The following VCPIP1 variants were observed in gnomAD, a reference collection of about 807,000 sequenced individuals.
VCPIP1 encodes the protein deubiquitinating protein VCPIP1.
VCPIP1 carries 8 observed loss-of-function variants against 85.0 expected under a neutral mutation model. The observed-to-expected ratio is 0.09, with a 90% CI of 0.06 to 0.17. VCPIP1 has a LOEUF of 0.17. Ranked by LOEUF, VCPIP1 falls within the 10% of genes least tolerant of loss-of-function variation. The pLI, the probability that VCPIP1 is intolerant of heterozygous loss-of-function variation, is 1.00. For synonymous variants in VCPIP1, 543 were observed against 544.5 expected (o/e 1.00, Z 0.04); for missense variants, 1,070 against 1,486.3 (o/e 0.72, Z 4.61).
chr8:66,662,014 G>A (rs753686613), intron 1 of VCPIP1, among the ~76,000 whole-genome samples: 3 of 151,348 alleles, frequency 2.0e-5, no homozygotes, highest in Admixed American at 6.6e-5. Flanking sequence ...TGATCTGCCC[G>A]CCTCAGCCTC....
rs747515697 is a variant in VCPIP1 at position 66,665,876 on chromosome 8, T to A, written c.1083A>T (p.Ile361=). 1 of 1,614,196 alleles carries A rather than the reference T, an allele frequency of 6.2e-7. No individual in the cohort carries two copies. The highest frequency in any genetic ancestry group is 1.1e-5 in the South Asian group (1 of 91,084). ...GRNHYIPLVG[I]KGAALPKLPM... ...GCAGTTTGGGCAAAGCAGCCCCTTT[T>A]ATGCCTACCAAGGGGATATAATGGT... The change falls in exon 1 of 3, where the codon ATA becomes ATT. Residue 361 remains isoleucine (I), a synonymous_variant. Transcript: ENST00000310421. The surrounding 1 kb of genome is among the most constrained non-coding windows in gnomAD (Gnocchi z 4.3).
At chr8:66,650,246 A>G (rs1465628658) in intron 2 of VCPIP1, among the ~76,000 whole-genome samples, 1 of 152,220 alleles carries the variant, frequency 6.6e-6, no homozygotes, top group Non-Finnish European at 1.5e-5. Flanking sequence ...GAGGCTGGGT[A>G]GTAGGTAAAT....
chr8:66,643,240 G>A (rs974807607), intron 2 of VCPIP1, among the ~76,000 whole-genome samples: 14 of 151,506 alleles, frequency 9.2e-5, no homozygotes, highest in South Asian at 2.1e-4. Context: ...GGAGAATCAC[G>A]TCAACTCGGG....
intron 1 of VCPIP1, among the ~76,000 whole-genome samples, chr8:66,657,083 C>T (rs2976258): frequency 6.6e-6 from 1 of 150,910 alleles, no homozygotes; most frequent in Non-Finnish European, 1.5e-5. Flanking sequence ...TTTTGTATTT[C>T]TAGTAGAGAT....
chr8:66,641,182 A>C (rs1193432042), intron 2 of VCPIP1, among the ~76,000 whole-genome samples: 3 of 152,154 alleles, frequency 2.0e-5, no homozygotes, highest in African/African-American at 7.2e-5. Flanking sequence ...CTAAGTAAGC[A>C]AGCCAACCCC....
intron 2 of VCPIP1, among the ~76,000 whole-genome samples, chr8:66,638,934 CTT>C (rs1282322317): frequency 1.6e-4 from 22 of 140,232 alleles, no homozygotes; most frequent in African/African-American, 4.6e-4. Flanking sequence ...TGCAAGAAAA[CTT>C]TCTCTCTCTC....
intron 1 of VCPIP1, among the ~76,000 whole-genome samples, chr8:66,659,729 G>A (rs912910086): frequency 1.3e-5 from 2 of 151,992 alleles, no homozygotes; most frequent in Non-Finnish European, 2.9e-5. Context: ...TCAGGAGTTC[G>A]AGACCAGCAT....
intron 1 of VCPIP1, among the ~76,000 whole-genome samples, chr8:66,654,108 G>C (rs1811077566): frequency 6.6e-6 from 1 of 152,230 alleles, no homozygotes; most frequent in African/African-American, 2.4e-5. Flanking sequence ...CACACAGCTA[G>C]TAAGTGGGAG....
intron 1 of VCPIP1, among the ~76,000 whole-genome samples, chr8:66,658,228 G>A (rs1811118696): frequency 6.6e-6 from 1 of 151,660 alleles, no homozygotes; most frequent in Admixed American, 6.6e-5. Flanking sequence ...CAGCTACTCG[G>A]GAGGCTGAGG....
At position 66,634,432 on chromosome 8, in the gene VCPIP1, T is replaced by A; in HGVS notation, c.*69A>T. On this transcript the variant is annotated 3_prime_UTR_variant, in exon 3 of 3. Coordinates refer to ENST00000310421, the MANE Select transcript of VCPIP1 (RefSeq NM_025054.5). ...CAAGATTTTTAATGACTAATCAAGT[T>A]ACGTGGCCCAGCCAACAAATATTAC... The A allele has an allele frequency of 6.7e-7, 1 of 1,500,482 alleles. No individual in the cohort carries two copies. Among genetic ancestry groups the A allele is most frequent in the South Asian group, 1.4e-5 (1 of 73,790 alleles). 92.9% of individuals were successfully genotyped at this position (1,500,482 alleles called of 1,614,324 possible). A position where few individuals can be genotyped will look rare whatever the true frequency, so the allele number is the denominator to read the frequency against.
chr8:66,643,328 G>GAA (rs113282357), intron 2 of VCPIP1, among the ~76,000 whole-genome samples: 4 of 138,148 alleles, frequency 2.9e-5, no homozygotes, highest in African/African-American at 1.0e-4. Flanking sequence ...ATCTCAGAAA[G>GAA]AAAAAAAAAA....
At chr8:66,662,722 G>A (rs757420681) in intron 1 of VCPIP1, among the ~76,000 whole-genome samples, 9 of 150,668 alleles carry the variant, frequency 6.0e-5, no homozygotes, top group East Asian at 2.0e-4. Context: ...TCGCTCTGTC[G>A]CCAGGCTGGA....
rs1810818258 is a variant in VCPIP1 at position 66,629,948 on chromosome 8, C to T, written c.*4553G>A. ...ATCACTATTCCTGTACGATAACCCG[C>T]TTAAGTTCAACAAGAAAACTTTATT... On this transcript the variant is annotated 3_prime_UTR_variant, in exon 3 of 3. Coordinates refer to ENST00000310421, the MANE Select transcript of VCPIP1 (RefSeq NM_025054.5). The T allele has an allele frequency of 6.6e-6, 1 of 152,082 alleles. No homozygotes were observed. The highest frequency in any genetic ancestry group is 6.5e-5 in the Admixed American group (1 of 15,270). 9.4% of individuals were successfully genotyped at this position (152,082 alleles called of 1,614,324 possible). A position where few individuals can be genotyped will look rare whatever the true frequency, so the allele number is the denominator to read the frequency against.
At chr8:66,662,989 C>T (rs1302091409) in intron 1 of VCPIP1, among the ~76,000 whole-genome samples, 1 of 151,002 alleles carries the variant, frequency 6.6e-6, no homozygotes, top group African/African-American at 2.4e-5. Flanking sequence ...CCTGTAGTCC[C>T]AGCTACTTGG....
rs950533022 is a variant in VCPIP1, at chr8:66,632,905, G to C, written c.*1596C>G. ...ATTTAGGATGAAGATAAAATATAAAGACAAACGTGATAATGTGATAAAAAC... is the reference window on the plus strand; with the variant it reads ...ATTTAGGATGAAGATAAAATATAAACACAAACGTGATAATGTGATAAAAAC... On this transcript the variant is annotated 3_prime_UTR_variant, in exon 3 of 3. Coordinates refer to ENST00000310421, the MANE Select transcript of VCPIP1 (RefSeq NM_025054.5). 1 of 152,016 alleles carries C rather than the reference G, an allele frequency of 6.6e-6. No individual in the cohort carries two copies. Among genetic ancestry groups the C allele is most frequent in the African/African-American group, 2.4e-5 (1 of 41,438 alleles). The allele number at this position is 152,016 out of a possible 1,614,324, so 9.4% of individuals were successfully genotyped here. A position where few individuals can be genotyped will look rare whatever the true frequency, so the allele number is the denominator to read the frequency against.
At position 66,629,160 on chromosome 8, in the gene VCPIP1, A is replaced by C. The variant is rs1271164915; in HGVS notation, c.*5341T>G. 6.6e-6 allele frequency: 1 copy of C among 152,210 alleles called. No homozygotes were observed. Among genetic ancestry groups the C allele is most frequent in the Non-Finnish European group, 1.5e-5 (1 of 68,038 alleles). 9.4% of individuals were successfully genotyped at this position (152,210 alleles called of 1,614,324 possible). A position where few individuals can be genotyped will look rare whatever the true frequency, so the allele number is the denominator to read the frequency against. ...TTTACTATGTGTCAGGCACTCTTCTAATCATCAGATACGTGTTAACTCATT... is the reference window on the plus strand; with the variant it reads ...TTTACTATGTGTCAGGCACTCTTCTCATCATCAGATACGTGTTAACTCATT... On this transcript the variant is annotated 3_prime_UTR_variant, in exon 3 of 3. Coordinates refer to ENST00000310421, the MANE Select transcript of VCPIP1 (RefSeq NM_025054.5).
chr8:66,636,854 C>CA (rs569934579), intron 2 of VCPIP1, among the ~76,000 whole-genome samples: 5,477 of 140,966 alleles, frequency 0.039, 122 homozygotes, highest in African/African-American at 0.056. Flanking sequence ...GACTCCGTCT[C>CA]AAAAAAAAAA....
chr8:66,649,749 T>A (rs1486716250), intron 2 of VCPIP1, among the ~76,000 whole-genome samples: 2 of 152,256 alleles, frequency 1.3e-5, no homozygotes, highest in Non-Finnish European at 2.9e-5. Context: ...GAAAGTATTC[T>A]ATATTTTTAT....
At chr8:66,648,526 AATCTATCTATCTATCT>A (rs60409796) in intron 2 of VCPIP1, among the ~76,000 whole-genome samples, 5,076 of 144,638 alleles carry the variant, frequency 0.035, 290 homozygotes, top group African/African-American at 0.12. Context: ...CTATGTATCT[AATCTATCTATCTATCT>A]ATCTATCTAT....
Sources: gnomAD v4.1 joint callset for allele counts (sites outside exome capture counted in the v4.1 genomes callset) on GRCh38, gnomAD v4.1.1 for gene constraint, Gnocchi (gnomAD v3.1) non-coding constraint, MANE v1.5 for transcripts, NCBI Gene and HGNC (gene_info 2026-07-23, HGNC 2026-07-21) for gene names.